The following RIMS2 variants were observed in gnomAD, a reference collection of about 807,000 sequenced individuals.
RIMS2 encodes the protein regulating synaptic membrane exocytosis 2, also known as regulating synaptic membrane exocytosis protein 2.
In RIMS2, 59 loss-of-function variants were observed where a neutral mutation model predicts 174.4. The ratio of observed to expected loss-of-function variants is 0.34; its 90% CI spans 0.27 to 0.42. The LOEUF (loss-of-function observed/expected upper bound fraction) is 0.42, where lower values mean the gene tolerates loss of function less well. Ranked by LOEUF, RIMS2 falls within the 10% of genes least tolerant of loss-of-function variation. RIMS2 has a pLI of 1.00. For missense variants in RIMS2, 1,620 were observed against 1,666.3 expected, an observed-to-expected ratio of 0.97 and a Z score of 0.48; for synonymous variants, 606 against 572.5, an observed-to-expected ratio of 1.06 and a Z score of -0.84.
rs541304926 is a variant in RIMS2, at chr8:103,967,874, G to C, written c.2770+6741G>C. On this transcript the variant is annotated intron_variant, in intron 15 of 23. Transcript: ENST00000504942. ...TGCTTTTTTTTTTTTTTTTTTTTGA[G>C]ACAGAGTCTGGCTCTGTCACCTAGG... Among the ~76,000 whole-genome samples, 290 of 83,246 alleles carry C rather than the reference G, an allele frequency of 3.5e-3. 1 individual carries two copies. The highest frequency in any genetic ancestry group is 8.5e-3 in the Middle Eastern group (1 of 118). The allele number at this position is 83,246 out of a possible 152,430, so 54.6% of individuals were successfully genotyped here. A position where few individuals can be genotyped will look rare whatever the true frequency, so the allele number is the denominator to read the frequency against.
At chr8:104,221,186 AGATTC>A (rs2099153331) in intron 19 of RIMS2, among the ~76,000 whole-genome samples, 1 of 152,302 alleles carries the variant, frequency 6.6e-6, no homozygotes, top group South Asian at 2.1e-4. Context: ...TTATTACATT[AGATTC>A]ATGTTTTTCA....
intron 4 of RIMS2, among the ~76,000 whole-genome samples, chr8:103,906,895 C>T (rs1386483124): frequency 6.6e-6 from 1 of 152,084 alleles, no homozygotes; most frequent in Admixed American, 6.5e-5. Context: ...TTAAGTATCC[C>T]ATGTACTGGT....
At chr8:104,047,897 AATT>A (rs1221517249) in intron 19 of RIMS2, among the ~76,000 whole-genome samples, 2 of 152,128 alleles carry the variant, frequency 1.3e-5, no homozygotes, top group Admixed American at 1.3e-4. Flanking sequence ...GACAGGTACG[AATT>A]ATTATTCAGG....
intron 3 of RIMS2, chr8:103,769,016 C>G (rs1016481085): frequency 3.1e-6 from 1 of 317,806 alleles, no homozygotes; most frequent in African/African-American, 2.2e-5. Context: ...AAGTCTGAAT[C>G]CAGTCAGAAA....
At chr8:104,219,794 T>C (rs1327884744) in intron 19 of RIMS2, among the ~76,000 whole-genome samples, 1 of 152,182 alleles carries the variant, frequency 6.6e-6, no homozygotes, top group Non-Finnish European at 1.5e-5. Flanking sequence ...AATAAAATTA[T>C]ATAGTAGCCC....
chr8:103,559,042 CA>C (rs2091086600), intron 1 of RIMS2: 1 of 36,732 alleles, frequency 2.7e-5, no homozygotes, highest in African/African-American at 1.3e-4. Context: ...GGTGGCCTTT[CA>C]GATATTTTTT....
chr8:103,911,676 TGCG>T (rs2075698349), intron 5 of RIMS2, among the ~76,000 whole-genome samples: 1 of 152,192 alleles, frequency 6.6e-6, no homozygotes, highest in Non-Finnish European at 1.5e-5. Flanking sequence ...TGAATTCACT[TGCG>T]TAGAATTTCA....
At chr8:103,659,602 C>G (rs2096572291) in intron 1 of RIMS2, among the ~76,000 whole-genome samples, 1 of 152,182 alleles carries the variant, frequency 6.6e-6, no homozygotes, top group Non-Finnish European at 1.5e-5. Flanking sequence ...ACTGCTGCAG[C>G]AGCTGCTACC....
intron 19 of RIMS2, among the ~76,000 whole-genome samples, chr8:104,064,899 C>A (rs1012501854): frequency 2.3e-4 from 35 of 151,812 alleles, no homozygotes; most frequent in African/African-American, 8.2e-4. Flanking sequence ...GATATAATGA[C>A]CCTAATTTTT....
chr8:103,545,021 G>A (rs1275496302), intron 1 of RIMS2, among the ~76,000 whole-genome samples: 3 of 152,202 alleles, frequency 2.0e-5, no homozygotes, highest in Non-Finnish European at 2.9e-5. Flanking sequence ...TGGTTCCCCA[G>A]CAATGGTTCT....
chr8:104,128,006 A>C, intron 19 of RIMS2, among the ~76,000 whole-genome samples: 1 of 152,222 alleles, frequency 6.6e-6, no homozygotes, highest in East Asian at 1.9e-4. Flanking sequence ...ATGTAGCCTA[A>C]GGTTCTATAA....
chr8:104,208,973 T>G (rs1415505867), intron 19 of RIMS2, among the ~76,000 whole-genome samples: 1 of 152,186 alleles, frequency 6.6e-6, no homozygotes, highest in East Asian at 1.9e-4. Context: ...AAATACTTCC[T>G]TAGAAACAGG....
intron 1 of RIMS2, among the ~76,000 whole-genome samples, chr8:103,582,835 C>G (rs1194828820): frequency 6.6e-6 from 1 of 152,200 alleles, no homozygotes; most frequent in East Asian, 1.9e-4. Flanking sequence ...GATGGCACCT[C>G]TGGACCCACC....
rs998687522 is a variant in RIMS2, at chr8:104,120,757, GA to G, written c.3334+106150del. Among the ~76,000 whole-genome samples the G allele has an allele frequency of 9.9e-5, 15 of 151,854 alleles. 1 individual carries two copies. The East Asian group carries it at 2.1e-3, about 21-fold the overall frequency. On this transcript the variant is annotated intron_variant, in intron 19 of 23. Transcript: ENST00000504942. ...AGATACAAAGAAGAGGATAAAAAAGGAAAAAAAATTAGGAGTATCACATTAT... is the reference window on the plus strand; with the variant it reads ...AGATACAAAGAAGAGGATAAAAAAGGAAAAAAATTAGGAGTATCACATTAT...
intron 3 of RIMS2, among the ~76,000 whole-genome samples, chr8:103,882,902 T>A (rs2099175180): frequency 6.6e-6 from 1 of 151,646 alleles, no homozygotes; most frequent in Non-Finnish European, 1.5e-5. Context: ...TCATGTTAAT[T>A]CCTTAAGATA....
At chr8:103,987,848 T>G (rs1312069912) in intron 16 of RIMS2, among the ~76,000 whole-genome samples, 1 of 152,192 alleles carries the variant, frequency 6.6e-6, no homozygotes, top group Non-Finnish European at 1.5e-5. Flanking sequence ...TTCTCAAAAG[T>G]AACCCAAAGT....
intron 3 of RIMS2, among the ~76,000 whole-genome samples, chr8:103,787,693 C>G (rs2098456788): frequency 6.6e-6 from 1 of 152,170 alleles, no homozygotes; most frequent in South Asian, 2.1e-4. Context: ...TTCTCTCTGG[C>G]TGCCCTTAAC....
intron 19 of RIMS2, among the ~76,000 whole-genome samples, chr8:104,146,952 C>T (rs1490819418): frequency 2.6e-5 from 4 of 152,178 alleles, no homozygotes; most frequent in Non-Finnish European, 4.4e-5. Flanking sequence ...GCCTCAGCCT[C>T]CCTAAGTGCT....
intron 19 of RIMS2, among the ~76,000 whole-genome samples, chr8:104,232,245 T>G (rs962376693): frequency 6.6e-6 from 1 of 152,194 alleles, no homozygotes; most frequent in Non-Finnish European, 1.5e-5. Context: ...AGCTATTAGA[T>G]CTGAAAGGGA....
Sources: allele counts gnomAD v4.1 joint callset (sites outside exome capture counted in the v4.1 genomes callset), GRCh38; gene constraint gnomAD v4.1.1; transcripts MANE v1.5; gene names NCBI Gene and HGNC (gene_info 2026-07-23, HGNC 2026-07-21).